ACER1: variants seen among roughly 807,000 people sequenced by gnomAD.
ACER1 encodes the protein CTB-180A7.3.
ACER1 carries 28 observed loss-of-function variants against 24.9 expected under a neutral mutation model. That is an observed-to-expected ratio of 1.13 (90% CI 0.83 to 1.54). The LOEUF (loss-of-function observed/expected upper bound fraction) is 1.54, where lower values mean the gene tolerates loss of function less well. ACER1 is among the 40% of genes most tolerant of loss of function. The pLI is 0.00. For synonymous variants in ACER1, 132 were observed against 131.4 expected, an observed-to-expected ratio of 1.00 and a Z score of -0.03; for missense variants, 352 against 349.3, an observed-to-expected ratio of 1.01 and a Z score of -0.06.
At chr19:6,347,109 A>AAAAAAAAAAAAAAAAATAT in the ACER1 span, among the ~76,000 whole-genome samples, 5 of 113,818 alleles carry the variant, frequency 4.4e-5, no homozygotes, top group African/African-American at 2.5e-4. Flanking sequence ...AAAAAAAAAA[A>AAAAAAAAAAAAAAAAATAT]ATATATATAT....
Position 6,312,286 on chromosome 19 carries a change from C to T in ACER1, c.213G>A (p.Leu71=). 6.2e-7 allele frequency: 1 copy of T among 1,614,054 alleles called. No homozygotes were observed. Among genetic ancestry groups the T allele is most frequent in the East Asian group, 2.2e-5 (1 of 44,888 alleles). Residue 71 remains leucine (L), a synonymous_variant, in exon 3 of 6, where the codon CTG becomes CTA. Coordinates refer to ENST00000301452, the MANE Select transcript of ACER1 (RefSeq NM_133492.3). ...VVWVLFMIIG[L]FSMYFHMTLS... is the part of the protein sequence containing the mutation. ...GCGTCATGTGGAAATACATGGAGAACAGGCCTGCAGCGGCAAGGGCAGGCG... is the reference window on the plus strand; with the variant it reads ...GCGTCATGTGGAAATACATGGAGAATAGGCCTGCAGCGGCAAGGGCAGGCG...
rs755099727 is a variant in ACER1, at chr19:6,307,170, G to C, written c.609C>G (p.Phe203Leu). The change falls in exon 5 of 6, where the codon TTC (phenylalanine) becomes TTG (leucine). Residue 203 changes from phenylalanine (F) to leucine (L), a missense_variant. Phe to Leu is a conservative substitution (Grantham distance 22). Coordinates refer to ENST00000301452, the MANE Select transcript of ACER1 (RefSeq NM_133492.3). Reference protein sequence around the residue: ...LCSFWQRIHFFYLHSIWHVLI... With the variant: ...LCSFWQRIHFLYLHSIWHVLI... ...GTGCTTACCAGATGCTGTGCAGATA[G>C]AAGAAATGAATCCTCTGCCAGAAGC... The C allele has an allele frequency of 6.2e-7, 1 of 1,613,966 alleles. No individual in the cohort carries two copies. Among genetic ancestry groups the C allele is most frequent in the African/African-American group, 1.3e-5 (1 of 74,922 alleles).
At chr19:6,307,316 G>A (rs748802326) in intron 4 of ACER1, 26 bp from the exon 5 acceptor site, 2 of 1,612,466 alleles carry the variant, frequency 1.2e-6, no homozygotes. Flanking sequence ...GGGGACCAGG[G>A]GCTGGCTCGG....
intron 1 of ACER1, among the ~76,000 whole-genome samples, chr19:6,327,495 G>A (rs2091667041): frequency 6.6e-6 from 1 of 151,910 alleles, no homozygotes. Context: ...AACCCGGGAG[G>A]CGGAGCTTGC....
chr19:6,335,757 G>A (rs2091711773), upstream of ACER1, among the ~76,000 whole-genome samples: 1 of 151,624 alleles, frequency 6.6e-6, no homozygotes, highest in South Asian at 2.1e-4. Context: ...CATGAACCCA[G>A]GAGACGGAGC....
At chr19:6,349,147 A>AAAGAAGG in the ACER1 span, among the ~76,000 whole-genome samples, 1 of 150,638 alleles carries the variant, frequency 6.6e-6, no homozygotes, top group Non-Finnish European at 1.5e-5. Context: ...AAGAAGAAAG[A>AAAGAAGG]AAGAAGGAAG....
At chr19:6,345,466 A>G in the ACER1 span, among the ~76,000 whole-genome samples, 1 of 152,064 alleles carries the variant, frequency 6.6e-6, no homozygotes, top group Non-Finnish European at 1.5e-5. Flanking sequence ...CAGCTCACAT[A>G]ATGTAGAATC....
intron 1 of ACER1, among the ~76,000 whole-genome samples, chr19:6,332,087 C>T (rs555184701): frequency 4.0e-5 from 6 of 151,576 alleles, no homozygotes; most frequent in South Asian, 4.2e-4. Context: ...TTGCCTCAGC[C>T]TCCCAAGCAG....
chr19:6,309,781 G>T lies in ACER1; in HGVS notation c.404C>A (p.Ser135Tyr), dbSNP rs947108195. Residue 135 changes from serine (S) to tyrosine (Y), a missense_variant, in exon 4 of 6, where the codon TCC (serine) becomes TAC (tyrosine). Ser to Tyr is a moderately radical substitution (Grantham distance 144). Coordinates refer to ENST00000301452, the MANE Select transcript of ACER1 (RefSeq NM_133492.3). ...GGCGTTGACCGTGGGCCGCAGGAAGGACAGAAGGGTGCTGACCACAGTGGT... is the reference window on the plus strand; with the variant it reads ...GGCGTTGACCGTGGGCCGCAGGAAGTACAGAAGGGTGCTGACCACAGTGGT... ...FITTVVSTLL[S>Y]FLRPTVNAYA... is the part of the protein sequence containing the mutation. 3 of 1,614,128 alleles carry T rather than the reference G, an allele frequency of 1.9e-6. No homozygotes were observed. In the Admixed American group the frequency reaches 5.0e-5, roughly 27 times the overall value.
At position 6,312,208 on chromosome 19, in the gene ACER1, G is replaced by T. The variant is rs1450754685; in HGVS notation, c.291C>A (p.Gly97=). Reference sequence around the variant, plus strand: ...GGGGCATCCATATGCTATAGCCACTGCCCAGGAGCCACAGGATGGCGATCT... The same window carrying T: ...GGGGCATCCATATGCTATAGCCACTTCCCAGGAGCCACAGGATGGCGATCT... The part of the protein sequence containing the change: ...LDEIAILWLL[G]SGYSIWMPRC... The change falls in exon 3 of 6, where the codon GGC becomes GGA. Residue 97 remains glycine (G), a synonymous_variant. Coordinates refer to ENST00000301452, the MANE Select transcript of ACER1 (RefSeq NM_133492.3). 2 of 1,614,040 alleles carry T rather than the reference G, an allele frequency of 1.2e-6. No homozygotes were observed. The highest frequency in any genetic ancestry group is 1.7e-6 in the Non-Finnish European group (2 of 1,179,936).
At chr19:6,315,281 G>A (rs892331920) in intron 1 of ACER1, among the ~76,000 whole-genome samples, 1 of 151,914 alleles carries the variant, frequency 6.6e-6, no homozygotes. Context: ...ATGGGTCACT[G>A]CAGCTTCGAC....
intron 1 of ACER1, among the ~76,000 whole-genome samples, chr19:6,316,095 T>C (rs953756214): frequency 9.9e-5 from 15 of 151,980 alleles, no homozygotes; most frequent in Admixed American, 4.6e-4. Context: ...TGCACTGCAC[T>C]CCAGCCTGGG....
the ACER1 span, among the ~76,000 whole-genome samples, chr19:6,341,539 A>G: frequency 6.7e-6 from 1 of 149,514 alleles, no homozygotes; most frequent in African/African-American, 2.5e-5. Flanking sequence ...AAAAAAAAAG[A>G]AAAAAAAAGA....
chr19:6,313,289 T>C (rs1304267399), intron 1 of ACER1, among the ~76,000 whole-genome samples: 1 of 152,078 alleles, frequency 6.6e-6, no homozygotes, highest in Non-Finnish European at 1.5e-5. Flanking sequence ...TGGCTAATTT[T>C]CTTTTATTTT....
chr19:6,311,279 C>G (rs1231748921), intron 3 of ACER1, among the ~76,000 whole-genome samples: 1 of 152,058 alleles, frequency 6.6e-6, no homozygotes, highest in Admixed American at 6.6e-5. Context: ...GAGAATTTCA[C>G]TTGCCTGTAA....
At chr19:6,318,832 C>T (rs1364105293) in intron 1 of ACER1, among the ~76,000 whole-genome samples, 2 of 11,418 alleles carry the variant, frequency 1.8e-4, no homozygotes, top group South Asian at 6.4e-3. Flanking sequence ...CCTAACTCAT[C>T]TCTCTCCAAC....
intron 1 of ACER1, among the ~76,000 whole-genome samples, chr19:6,332,785 C>T (rs1215277467): frequency 3.3e-5 from 5 of 152,074 alleles, no homozygotes; most frequent in South Asian, 2.1e-4. Flanking sequence ...ATTCTCATGC[C>T]GTAGCCTCCT....
chr19:6,356,333 G>T, the ACER1 span, among the ~76,000 whole-genome samples: 21 of 149,122 alleles, frequency 1.4e-4, no homozygotes, highest in South Asian at 2.1e-4. Flanking sequence ...CACAAACACT[G>T]CGGAAGGCCG....
intron 1 of ACER1, among the ~76,000 whole-genome samples, chr19:6,331,966 A>ATT (rs113359211): frequency 0.15 from 20,619 of 133,554 alleles, 2,249 homozygotes; most frequent in East Asian, 0.37. Context: ...GTGCATTCCT[A>ATT]TTTTTTTTTT....
Sources: allele counts gnomAD v4.1 joint callset (sites outside exome capture counted in the v4.1 genomes callset), GRCh38; gene constraint gnomAD v4.1.1; transcripts MANE v1.5; gene names NCBI Gene and HGNC (gene_info 2026-07-23, HGNC 2026-07-21).